AQP2: variants seen among roughly 807,000 people sequenced by gnomAD.
AQP2 encodes aquaporin-2.
A neutral mutation model predicts 21.6 loss-of-function variants in AQP2; 20 were observed. The ratio of observed to expected loss-of-function variants is 0.92; its 90% CI spans 0.65 to 1.34. The LOEUF is 1.34. Ranked by LOEUF, AQP2 falls within the 40% of genes most tolerant of loss-of-function variation. AQP2 has a pLI of 0.00. For synonymous variants in AQP2, 168 were observed against 166.9 expected (o/e 1.01, Z -0.05); for missense variants, 325 against 363.4 (o/e 0.89, Z 0.86).
In AQP2 at chr12:49,955,742, G is replaced by C. The variant is rs1252822739; in HGVS notation, c.*134G>C. 8.4e-7 allele frequency: 1 copy of C among 1,189,060 alleles called. No individual in the cohort carries two copies. Among genetic ancestry groups the C allele is most frequent in the Admixed American group, 2.0e-5 (1 of 49,848 alleles). The allele number at this position is 1,189,060 out of a possible 1,614,324, so 73.7% of individuals were successfully genotyped here. Reference sequence around the variant, plus strand: ...GAGTAGCTGCTTCCTGGACGTGCGCGCCCAGGCCAGTGCTGTGAGCAGGCG... The same window carrying C: ...GAGTAGCTGCTTCCTGGACGTGCGCCCCCAGGCCAGTGCTGTGAGCAGGCG... On this transcript the variant is annotated 3_prime_UTR_variant, in exon 4 of 4. Coordinates refer to ENST00000199280, the MANE Select transcript of AQP2 (RefSeq NM_000486.6).
chr12:49,954,009 T>C, intron 1 of AQP2, 146 bp from the exon 2 acceptor site: 1 of 1,150,960 alleles, frequency 8.7e-7, no homozygotes, highest in Non-Finnish European at 1.3e-6. Flanking sequence ...GGATCAGTCG[T>C]TGCAGCTAAG....
At chr12:49,954,808 A>G (rs1287767531) in intron 3 of AQP2, 98 bp downstream of exon 3, 4 of 1,368,704 alleles carry the variant, frequency 2.9e-6, no homozygotes, top group Non-Finnish European at 4.2e-6. Flanking sequence ...CAGCAGCGGT[A>G]CCCCAAACCC....
At position 49,954,221 on chromosome 12, in the gene AQP2, C is replaced by T. The variant is rs780992666; in HGVS notation, c.427C>T (p.Leu143Phe). The T allele has an allele frequency of 6.2e-7, 1 of 1,604,350 alleles. No homozygotes were observed. The highest frequency in any genetic ancestry group is 1.1e-5 in the South Asian group (1 of 91,082). ...GCTCTTCCTGACACTGCAGCTGGTG[C>T]TCTGCATCTTCGCCTCCACCGATGA... ...VELFLTLQLV[L>F]CIFASTDERR... is the part of the protein sequence containing the mutation. The change falls in exon 2 of 4, where the codon CTC (leucine) becomes TTC (phenylalanine). Residue 143 changes from leucine (L) to phenylalanine (F), a missense_variant. Physicochemically the swap from Leu to Phe is conservative, Grantham distance 22 (BLOSUM62 0). Coordinates refer to ENST00000199280, the MANE Select transcript of AQP2 (RefSeq NM_000486.6).
In AQP2 at chr12:49,958,402, C is replaced by T. The variant is rs1947388510; in HGVS notation, c.*2794C>T. 2 of 152,232 alleles carry T rather than the reference C, an allele frequency of 1.3e-5. No homozygotes were observed. The highest frequency in any genetic ancestry group is 1.5e-5 in the Non-Finnish European group (1 of 68,056). The allele number at this position is 152,232 out of a possible 1,614,324, so 9.4% of individuals were successfully genotyped here. ...ACAAATCCTAGGCTCCTGGGAGGCC[C>T]TGGCAGAAGCCAGAACACATGGCTG... On this transcript the variant is annotated 3_prime_UTR_variant, in exon 4 of 4. Coordinates refer to ENST00000199280, the MANE Select transcript of AQP2 (RefSeq NM_000486.6).
At position 49,956,034 on chromosome 12, in the gene AQP2, TCTC is replaced by T; in HGVS notation, c.*427_*429del. ...TGTGCAAGTGTGTTCATCCCCAAGT[TCTC>T]TTTTGTCCTCACATGCAGAGTTGTG... is the stretch of plus-strand genomic sequence containing the variant. On this transcript the variant is annotated 3_prime_UTR_variant, in exon 4 of 4. Transcript: ENST00000199280. 1 of 305,348 alleles carries T rather than the reference TCTC, an allele frequency of 3.3e-6. No homozygotes were observed. Among genetic ancestry groups the T allele is most frequent in the African/African-American group, 2.2e-5 (1 of 46,218 alleles). 18.9% of individuals were successfully genotyped at this position (305,348 alleles called of 1,614,324 possible).
In AQP2 at chr12:49,955,797, CCTGGCAGGTCCCCTGCCCTGAGG is replaced by C. The variant is rs1400631192; in HGVS notation, c.*193_*215del. 7 of 802,684 alleles carry C rather than the reference CCTGGCAGGTCCCCTGCCCTGAGG, an allele frequency of 8.7e-6. No individual in the cohort carries two copies. In the South Asian group the frequency reaches 8.8e-5, roughly 10 times the overall value. 49.7% of individuals were successfully genotyped at this position (802,684 alleles called of 1,614,324 possible). A position where few individuals can be genotyped will look rare whatever the true frequency, so the allele number is the denominator to read the frequency against. On this transcript the variant is annotated 3_prime_UTR_variant, in exon 4 of 4. Transcript: ENST00000199280. ...GGAGGCTGCCGGAGGGAGCCCTGAG[CCTGGCAGGTCCCCTGCCCTGAGG>C]CTGTGAGCAGCTAGTGGTGGCTTCT...
intron 2 of AQP2, 99 bp from the exon 3 acceptor site, chr12:49,954,531 G>T: frequency 1.4e-6 from 2 of 1,430,590 alleles, no homozygotes. Flanking sequence ...CATCACGTGG[G>T]TTCCCTTTAG....
In AQP2 at chr12:49,954,232, C is replaced by T. The variant is rs143886391; in HGVS notation, c.438C>T (p.Phe146=). The T allele has an allele frequency of 6.2e-4, 1,002 of 1,605,362 alleles. 12 individuals carry two copies. In the South Asian group the frequency reaches 0.01, roughly 16 times the overall value. Residue 146 remains phenylalanine (F), a synonymous_variant, in exon 2 of 4, where the codon TTC becomes TTT. Coordinates refer to ENST00000199280, the MANE Select transcript of AQP2 (RefSeq NM_000486.6). ...CACTGCAGCTGGTGCTCTGCATCTT[C>T]GCCTCCACCGATGAGCGCCGCGGAG... is the stretch of plus-strand genomic sequence containing the variant. The part of the protein sequence containing the change: ...FLTLQLVLCI[F]ASTDERRGEN...
At position 49,955,852 on chromosome 12, in the gene AQP2, T is replaced by A; in HGVS notation, c.*244T>A. The A allele has an allele frequency of 4.6e-6, 3 of 655,868 alleles. No individual in the cohort carries two copies. The highest frequency in any genetic ancestry group is 2.8e-5 in the East Asian group (1 of 36,014). The allele number at this position is 655,868 out of a possible 1,614,324, so 40.6% of individuals were successfully genotyped here. Reference sequence around the variant, plus strand: ...GCAGCTAGTGGTGGCTTCTCCAGCCTTTTTCAGGGAACTGGGAACTTAGGG... The same window carrying A: ...GCAGCTAGTGGTGGCTTCTCCAGCCATTTTCAGGGAACTGGGAACTTAGGG... On this transcript the variant is annotated 3_prime_UTR_variant, in exon 4 of 4. Transcript: ENST00000199280.
Position 49,955,499 on chromosome 12 carries a change from T to C in AQP2, c.707T>C (p.Val236Ala). The C allele has an allele frequency of 6.2e-7, 1 of 1,612,730 alleles. No individual in the cohort carries two copies. The highest frequency in any genetic ancestry group is 1.1e-5 in the South Asian group (1 of 91,068). Residue 236 changes from valine to alanine, a missense_variant, in exon 4 of 4, where the codon GTG becomes GCG. Transcript: ENST00000199280. ...AAGAGCCTGTCGGAGCGCCTGGCAG[T>C]GCTGAAGGGCCTGGAGCCGGACACC... ...PAKSLSERLA[V>A]LKGLEPDTDW...
rs902634332 is a variant in AQP2, at chr12:49,958,687, C to A, written c.*3079C>A. The A allele has an allele frequency of 1.3e-5, 2 of 152,264 alleles. No individual in the cohort carries two copies. Among genetic ancestry groups the A allele is most frequent in the African/African-American group, 4.8e-5 (2 of 41,462 alleles). The allele number at this position is 152,264 out of a possible 1,614,324, so 9.4% of individuals were successfully genotyped here. A position where few individuals can be genotyped will look rare whatever the true frequency, so the allele number is the denominator to read the frequency against. On this transcript the variant is annotated 3_prime_UTR_variant, in exon 4 of 4. Coordinates refer to ENST00000199280, the MANE Select transcript of AQP2 (RefSeq NM_000486.6). ...TCCCACTTTGTGCCAAATGACTTTGCACCTGCAAATGGTGCTTCAATGTCG... is the reference window on the plus strand; with the variant it reads ...TCCCACTTTGTGCCAAATGACTTTGAACCTGCAAATGGTGCTTCAATGTCG...
In AQP2 at chr12:49,957,686, G is replaced by T. The variant is rs1947382608; in HGVS notation, c.*2078G>T. On this transcript the variant is annotated 3_prime_UTR_variant, in exon 4 of 4. Coordinates refer to ENST00000199280, the MANE Select transcript of AQP2 (RefSeq NM_000486.6). ...GACTCTCCCAAACCCCCAATAGCTA[G>T]TGACAGCCACTTGGCCTCACTACCA... 1 of 152,196 alleles carries T rather than the reference G, an allele frequency of 6.6e-6. No individual in the cohort carries two copies. Among genetic ancestry groups the T allele is most frequent in the South Asian group, 2.1e-4 (1 of 4,828 alleles). 9.4% of individuals were successfully genotyped at this position (152,196 alleles called of 1,614,324 possible). A position where few individuals can be genotyped will look rare whatever the true frequency, so the allele number is the denominator to read the frequency against.
intron 1 of AQP2, among the ~76,000 whole-genome samples, chr12:49,953,682 G>A (rs1947345558): frequency 6.6e-6 from 1 of 152,214 alleles, no homozygotes; most frequent in Non-Finnish European, 1.5e-5. Context: ...CCTAGACCCT[G>A]TCTCTGGGAG....
Position 49,950,761 on chromosome 12 carries a change from A to T in AQP2, c.-70A>T. ...GAGGCCTTGAGAAAGAGAGCGATAG[A>T]GTGCGAGAGCGAGTGCCCGGAGCAT... On this transcript the variant is annotated 5_prime_UTR_variant, in exon 1 of 4. Coordinates refer to ENST00000199280, the MANE Select transcript of AQP2 (RefSeq NM_000486.6). 1 of 1,560,384 alleles carries T rather than the reference A, an allele frequency of 6.4e-7. No individual in the cohort carries two copies. Among genetic ancestry groups the T allele is most frequent in the Non-Finnish European group, 8.7e-7 (1 of 1,151,796 alleles).
intron 3 of AQP2, 92 bp from the exon 4 acceptor site, chr12:49,955,307 A>C: frequency 1.6e-6 from 2 of 1,233,824 alleles, no homozygotes; most frequent in Non-Finnish European, 2.3e-6. Context: ...CGGGGAGGAG[A>C]GGTGCGGCCG....
chr12:49,954,118 C>T (rs1474586000), intron 1 of AQP2, 37 bp from the exon 2 acceptor site: 2 of 1,597,120 alleles, frequency 1.3e-6, no homozygotes, highest in East Asian at 2.2e-5. Flanking sequence ...GGAAAGTGGG[C>T]TCAGTGTTCC....
rs865810024 is a variant in AQP2, at chr12:49,955,341, G to C, written c.607-58G>C. 1.7e-5 allele frequency: 27 copies of C among 1,563,692 alleles called. 1 individual carries two copies. In the Middle Eastern group the frequency reaches 4.4e-3, roughly 254 times the overall value. ...CGCAGAGTGTGCCGCCGGGGCCTGC[G>C]GGCTCCGCGTGCCGGTGCCGGCGCG... On this transcript the variant is annotated intron_variant, in intron 3 of 3. Transcript: ENST00000199280.
In AQP2 at chr12:49,955,411, G is replaced by A; in HGVS notation, c.619G>A (p.Gly207Arg). 1 of 1,612,532 alleles carries A rather than the reference G, an allele frequency of 6.2e-7. No homozygotes were observed. Among genetic ancestry groups the A allele is most frequent in the Non-Finnish European group, 8.5e-7 (1 of 1,179,698 alleles). The change falls in exon 4 of 4, where the codon GGA (glycine) becomes AGA (arginine). Residue 207 changes from glycine (G) to arginine (R), a missense_variant. Transcript: ENST00000199280. ...CGCTCGCCCCCAGGTCTTCTGGATC[G>A]GACCCCTGGTGGGCGCCATCCTGGG... The part of the protein sequence containing the change: ...KFDDHWVFWI[G>R]PLVGAILGSL...
intron 1 of AQP2, among the ~76,000 whole-genome samples, chr12:49,952,754 G>A (rs1015219500): frequency 6.6e-5 from 10 of 152,168 alleles, no homozygotes; most frequent in African/African-American, 2.4e-4. Flanking sequence ...AACCCTGCCT[G>A]GATGGAATGG....
Sources: allele counts gnomAD v4.1 joint callset (sites outside exome capture counted in the v4.1 genomes callset), GRCh38; gene constraint gnomAD v4.1.1; transcripts MANE v1.5; gene names NCBI Gene and HGNC (gene_info 2026-07-23, HGNC 2026-07-21).